Variants in RFX8 observed in about 807,000 individuals in gnomAD.
RFX8 encodes regulatory factor X8.
Under a neutral mutation model 54.6 loss-of-function variants are expected in RFX8, and 46 were observed. That is an observed-to-expected ratio of 0.84 (90% confidence interval 0.67 to 1.08). RFX8 has a LOEUF of 1.08. Among genes scored for constraint, RFX8 ranks in the 50% least tolerant of loss-of-function variants. RFX8 has a pLI of 0.00. For missense variants in RFX8, 536 were observed against 562.3 expected (o/e 0.95, Z 0.47); for synonymous variants, 192 against 209.5 (o/e 0.92, Z 0.72).
intron 2 of RFX8, among the ~76,000 whole-genome samples, chr2:101,423,171 T>C (rs1686962169): frequency 6.6e-6 from 1 of 151,426 alleles, no homozygotes; most frequent in South Asian, 2.1e-4. Flanking sequence ...AGTGGGAGAA[T>C]TGCTTGAGCC....
Position 101,413,012 on chromosome 2 carries a change from C to T in RFX8, c.621G>A (p.Gln207=). The change falls in exon 8 of 12, where the codon CAG becomes CAA. Residue 207 remains glutamine, a synonymous_variant. Coordinates refer to ENST00000428343, the MANE Select transcript of RFX8 (RefSeq NM_001145664.2). ...RRVSVLKSDL[Q]AIINQGTLAT... is the part of the protein sequence containing the mutation. ...CCAAAGTGCCTTGATTGATGATGGC[C>T]TGTAGATCTGACTTCAAAACGCTGA... is the stretch of plus-strand genomic sequence containing the variant. 6.4e-7 allele frequency: 1 copy of T among 1,552,026 alleles called. No individual in the cohort carries two copies. Among genetic ancestry groups the T allele is most frequent in the Non-Finnish European group, 8.7e-7 (1 of 1,147,004 alleles).
Position 101,466,917 on chromosome 2 carries a change from C to T in RFX8, c.-52-17G>A. On this transcript the variant is annotated splice_polypyrimidine_tract_variant and intron_variant, in intron 1 of 11. Coordinates refer to ENST00000428343, the MANE Select transcript of RFX8 (RefSeq NM_001145664.2). ...TCGACCAACCTGGAGGAGAGGAGGA[C>T]AAGGAGGAGGAAATTGGCATTTGTT... is the stretch of plus-strand genomic sequence containing the variant. The T allele has an allele frequency of 2.6e-6, 3 of 1,162,570 alleles. No homozygotes were observed. The highest frequency in any genetic ancestry group is 3.8e-6 in the Non-Finnish European group (3 of 794,812). 72.0% of individuals were successfully genotyped at this position (1,162,570 alleles called of 1,614,324 possible). A position where few individuals can be genotyped will look rare whatever the true frequency, so the allele number is the denominator to read the frequency against.
chr2:101,403,267 A>T (rs1040120687), intron 10 of RFX8, among the ~76,000 whole-genome samples: 1 of 152,088 alleles, frequency 6.6e-6, no homozygotes, highest in Admixed American at 6.5e-5. Context: ...CTGGCATTCC[A>T]CCTGTGAGAG....
intron 2 of RFX8, chr2:101,450,503 C>CA (rs1688615649): frequency 1.6e-6 from 1 of 635,656 alleles, no homozygotes; most frequent in Non-Finnish European, 2.7e-6. Context: ...GTTGGGATTA[C>CA]AGGCGTGAGC....
chr2:101,399,070 A>T (rs1391638346), intron 11 of RFX8, among the ~76,000 whole-genome samples: 3 of 152,340 alleles, frequency 2.0e-5, no homozygotes, highest in South Asian at 2.1e-4. Context: ...GTTCTTAAAC[A>T]CGCCTTGGCA....
chr2:101,457,040 T>A (rs1165610828), intron 2 of RFX8, among the ~76,000 whole-genome samples: 1 of 152,242 alleles, frequency 6.6e-6, no homozygotes, highest in African/African-American at 2.4e-5. Flanking sequence ...TTCTGTGGGA[T>A]CGGTGATGAT....
At chr2:101,424,799 A>C (rs1299248523) in intron 2 of RFX8, among the ~76,000 whole-genome samples, 1 of 152,176 alleles carries the variant, frequency 6.6e-6, no homozygotes, top group East Asian at 1.9e-4. Flanking sequence ...TCTCACTCAT[A>C]GGTGAGAATT....
At chr2:101,401,942 A>T (rs1340761347) in intron 11 of RFX8, among the ~76,000 whole-genome samples, 1 of 152,206 alleles carries the variant, frequency 6.6e-6, no homozygotes, top group African/African-American at 2.4e-5. Flanking sequence ...ATTCTATAGG[A>T]TGGCATGGCT....
intron 7 of RFX8, among the ~76,000 whole-genome samples, chr2:101,414,410 C>G (rs554786734): frequency 1.4e-4 from 21 of 151,464 alleles, no homozygotes; most frequent in African/African-American, 5.1e-4. Flanking sequence ...GGACTCCAGG[C>G]ACACACCACC....
intron 1 of RFX8, among the ~76,000 whole-genome samples, chr2:101,468,702 T>C (rs1175745717): frequency 6.6e-6 from 1 of 151,820 alleles, no homozygotes; most frequent in African/African-American, 2.4e-5. Context: ...TATTTCCAAA[T>C]AAGGTTACAT....
chr2:101,459,236 G>C (rs531792221), intron 2 of RFX8, among the ~76,000 whole-genome samples: 1 of 152,098 alleles, frequency 6.6e-6, no homozygotes, highest in Non-Finnish European at 1.5e-5. Context: ...GTCATTCTCC[G>C]TCCAGTTTTG....
At chr2:101,450,069 G>A (rs538714546) in intron 2 of RFX8, among the ~76,000 whole-genome samples, 84 of 152,146 alleles carry the variant, frequency 5.5e-4, no homozygotes, top group Non-Finnish European at 8.5e-4. Context: ...GGATTTCTCT[G>A]GCCAATGACA....
At chr2:101,405,711 G>A (rs1436590932) in intron 10 of RFX8, among the ~76,000 whole-genome samples, 1 of 151,954 alleles carries the variant, frequency 6.6e-6, no homozygotes, top group Non-Finnish European at 1.5e-5. Context: ...TGTGTCTAAC[G>A]ATGATGAAAC....
At chr2:101,398,366 T>C (rs1573331434) in intron 11 of RFX8, among the ~76,000 whole-genome samples, 1 of 152,046 alleles carries the variant, frequency 6.6e-6, no homozygotes, top group Non-Finnish European at 1.5e-5. Flanking sequence ...AGATGAGTCA[T>C]GAAAGTCGGG....
rs572451538 is a variant in RFX8, at chr2:101,474,393, C to CG, written c.-53+242dup. ...GGTGTTTACTTTAGAAAGGAGCGCG[C>CG]GGGGGGCGCGCGGGGCGCGGGGCGG... On this transcript the variant is annotated intron_variant, in intron 1 of 11. Coordinates refer to ENST00000428343, the MANE Select transcript of RFX8 (RefSeq NM_001145664.2). 501 of 383,426 alleles carry CG rather than the reference C, an allele frequency of 1.3e-3. 3 individuals carry two copies. The highest frequency in any genetic ancestry group is 9.6e-3 in the African/African-American group (458 of 47,664). 23.8% of individuals were successfully genotyped at this position (383,426 alleles called of 1,614,324 possible).
intron 2 of RFX8, among the ~76,000 whole-genome samples, chr2:101,452,792 T>A (rs748025428): frequency 4.6e-5 from 7 of 151,876 alleles, no homozygotes; most frequent in Non-Finnish European, 7.4e-5. Context: ...TGAAACCCTG[T>A]CTCTACAACC....
Position 101,418,911 on chromosome 2 carries a change from C to T in RFX8, c.291G>A (p.Met97Ile). 3.9e-6 allele frequency: 6 copies of T among 1,551,638 alleles called. No individual in the cohort carries two copies. Among genetic ancestry groups the T allele is most frequent in the Non-Finnish European group, 4.4e-6 (5 of 1,146,928 alleles). ...GGCACACGTCAGGCAATGACATCAGCATGACTGTGTCTTGCTGCAGAGACT... is the reference window on the plus strand; with the variant it reads ...GGCACACGTCAGGCAATGACATCAGTATGACTGTGTCTTGCTGCAGAGACT... ...FWKSLQQDTV[M>I]LMSLPDVCQL... Residue 97 changes from methionine to isoleucine, a missense_variant, in exon 5 of 12, where the codon ATG becomes ATA. Coordinates refer to ENST00000428343, the MANE Select transcript of RFX8 (RefSeq NM_001145664.2).
chr2:101,415,740 T>C (rs1686458127), intron 6 of RFX8, among the ~76,000 whole-genome samples: 2 of 152,230 alleles, frequency 1.3e-5, no homozygotes, highest in African/African-American at 4.8e-5. Flanking sequence ...TACAAAGGGC[T>C]CATGCTCCAG....
chr2:101,404,136 C>A (rs565918342), intron 10 of RFX8, among the ~76,000 whole-genome samples: 7 of 152,196 alleles, frequency 4.6e-5, no homozygotes, highest in Non-Finnish European at 1.0e-4. Context: ...AACCTTTTGT[C>A]CATTTCAAAG....
Sources: allele counts gnomAD v4.1 joint callset (sites outside exome capture counted in the v4.1 genomes callset), GRCh38; gene constraint gnomAD v4.1.1; transcripts MANE v1.5; gene names NCBI Gene and HGNC (gene_info 2026-07-23, HGNC 2026-07-21).